Variants in CCDC73 observed in about 807,000 individuals in gnomAD.
CCDC73 encodes the protein coiled-coil domain-containing protein 73.
Under a neutral mutation model 116.5 loss-of-function variants are expected in CCDC73, and 95 were observed. The ratio of observed to expected loss-of-function variants is 0.82; its 90% CI spans 0.69 to 0.97. The LOEUF (loss-of-function observed/expected upper bound fraction) is 0.97, where lower values mean the gene tolerates loss of function less well. Ranked by LOEUF, CCDC73 falls within the 50% of genes least tolerant of loss-of-function variation. CCDC73 has a pLI of 0.00. For missense variants in CCDC73, 1,066 were observed against 1,206.8 expected, an observed-to-expected ratio of 0.88 and a Z score of 1.73; for synonymous variants, 398 against 401.3, an observed-to-expected ratio of 0.99 and a Z score of 0.10.
At chr11:32,644,916 T>G (rs1375523908) in intron 12 of CCDC73, among the ~76,000 whole-genome samples, 1 of 152,206 alleles carries the variant, frequency 6.6e-6, no homozygotes, top group Non-Finnish European at 1.5e-5. Flanking sequence ...ATCCATTTTG[T>G]TGTGTGAATC....
chr11:32,760,063 A>T, intron 2 of CCDC73, 46 bp downstream of exon 2: 1 of 1,364,160 alleles, frequency 7.3e-7, no homozygotes, highest in Non-Finnish European at 1.0e-6. Flanking sequence ...AACTGAACAA[A>T]ATCAAGTTTT....
intron 12 of CCDC73, 110 bp downstream of exon 12, chr11:32,653,013 A>T (rs11031921): frequency 0.043 from 25,805 of 606,436 alleles, 903 homozygotes; most frequent in East Asian, 0.16. Flanking sequence ...CTAGAATTCA[A>T]AATAATCTCA....
At chr11:32,619,719 G>C (rs1426408268) in intron 14 of CCDC73, among the ~76,000 whole-genome samples, 3 of 151,514 alleles carry the variant, frequency 2.0e-5, no homozygotes, top group African/African-American at 7.3e-5. Context: ...AGGAAGAGGA[G>C]GAGAAGGAGG....
At chr11:32,718,243 C>T in intron 2 of CCDC73, 96 bp from the exon 3 acceptor site, 2 of 731,782 alleles carry the variant, frequency 2.7e-6, no homozygotes, top group Non-Finnish European at 2.2e-6. Flanking sequence ...TAGCATACTC[C>T]CACCTTTACA....
intron 14 of CCDC73, among the ~76,000 whole-genome samples, chr11:32,621,509 T>C (rs943269761): frequency 5.3e-5 from 8 of 152,264 alleles, no homozygotes; most frequent in African/African-American, 1.9e-4. Flanking sequence ...TTACACCTTA[T>C]ACAAAAATTA....
intron 3 of CCDC73, among the ~76,000 whole-genome samples, chr11:32,707,950 T>A (rs996376504): frequency 6.6e-6 from 1 of 152,128 alleles, no homozygotes. Context: ...TAACTTTGGG[T>A]TCTTGTCATG....
chr11:32,623,598 C>G (rs1170571190), intron 14 of CCDC73, among the ~76,000 whole-genome samples: 1 of 152,152 alleles, frequency 6.6e-6, no homozygotes, highest in African/African-American at 2.4e-5. Context: ...AAGCAATTCA[C>G]CTGCCTTGGC....
At chr11:32,820,302 G>T in the CCDC73 span, among the ~76,000 whole-genome samples, 1 of 151,926 alleles carries the variant, frequency 6.6e-6, no homozygotes, top group Non-Finnish European at 1.5e-5. Context: ...ATAGGCATGT[G>T]ACACCACGCC....
intron 9 of CCDC73, among the ~76,000 whole-genome samples, chr11:32,657,948 G>A (rs1157984265): frequency 6.6e-6 from 1 of 151,010 alleles, no homozygotes; most frequent in East Asian, 2.0e-4. Context: ...TGCAGTGACC[G>A]ATAATTGCGC....
chr11:32,650,665 G>A (rs1297934674), intron 12 of CCDC73, among the ~76,000 whole-genome samples: 1 of 151,984 alleles, frequency 6.6e-6, no homozygotes, highest in African/African-American at 2.4e-5. Context: ...AGAAGGGAGA[G>A]GTCTGACATT....
chr11:32,733,957 C>T (rs1045733418), intron 2 of CCDC73, among the ~76,000 whole-genome samples: 1 of 152,062 alleles, frequency 6.6e-6, no homozygotes, highest in African/African-American at 2.4e-5. Flanking sequence ...CAAAAAAACT[C>T]TTCAAAAAAA....
chr11:32,784,459 T>C (rs898534396), intron 1 of CCDC73, among the ~76,000 whole-genome samples: 2 of 152,168 alleles, frequency 1.3e-5, no homozygotes, highest in Non-Finnish European at 2.9e-5. Context: ...GCTGATATAA[T>C]AAAAAGTATG....
chr11:32,796,014 G>A (rs11031992), upstream of CCDC73, among the ~76,000 whole-genome samples: 32 of 152,206 alleles, frequency 2.1e-4, no homozygotes, highest in East Asian at 5.8e-3. Context: ...TTTTAACCAC[G>A]TTTTCCAGTA....
At chr11:32,703,037 A>C in intron 3 of CCDC73, 93 bp from the exon 4 acceptor site, 1 of 841,786 alleles carries the variant, frequency 1.2e-6, no homozygotes. Context: ...AAAGTCAACC[A>C]TACCTTCTAC....
intron 13 of CCDC73, among the ~76,000 whole-genome samples, chr11:32,641,715 G>GTGTATATATATA (rs145985523): frequency 6.7e-6 from 1 of 148,858 alleles, no homozygotes; most frequent in African/African-American, 2.5e-5. Context: ...ATATGTGTGT[G>GTGTATATATATA]TATATATATA....
At chr11:32,713,455 G>A (rs1424240434) in intron 3 of CCDC73, among the ~76,000 whole-genome samples, 1 of 151,968 alleles carries the variant, frequency 6.6e-6, no homozygotes, top group Non-Finnish European at 1.5e-5. Context: ...CTTCCTTAGG[G>A]GATGGTTATC....
the CCDC73 span, among the ~76,000 whole-genome samples, chr11:32,826,646 C>CAAAAA: frequency 1.6e-5 from 1 of 63,508 alleles, no homozygotes; most frequent in African/African-American, 6.0e-5. Flanking sequence ...GATAATAACT[C>CAAAAA]AAAAAAAAAA....
chr11:32,685,266 CAAAA>C (rs35408326), intron 6 of CCDC73, among the ~76,000 whole-genome samples: 3 of 93,472 alleles, frequency 3.2e-5, no homozygotes, highest in Non-Finnish European at 6.0e-5. Context: ...AACACTGGAC[CAAAA>C]AAAAAAAAAA....
At chr11:32,711,340 T>C (rs2133325523) in intron 3 of CCDC73, among the ~76,000 whole-genome samples, 1 of 152,260 alleles carries the variant, frequency 6.6e-6, no homozygotes, top group South Asian at 2.1e-4. Flanking sequence ...TACTTGTACA[T>C]CCATGTTTAT....
Sources: allele counts gnomAD v4.1 joint callset (sites outside exome capture counted in the v4.1 genomes callset), GRCh38; gene constraint gnomAD v4.1.1; transcripts MANE v1.5; gene names NCBI Gene and HGNC (gene_info 2026-07-23, HGNC 2026-07-21).